LPP: variants seen among roughly 807,000 people sequenced by gnomAD.
The protein encoded by LPP is LIM domain containing preferred translocation partner in lipoma.
LPP carries 38 observed loss-of-function variants against 60.4 expected under a neutral mutation model. The ratio of observed to expected loss-of-function variants is 0.63; its 90% CI spans 0.49 to 0.83. The LOEUF (loss-of-function observed/expected upper bound fraction) is 0.83, where lower values mean the gene tolerates loss of function less well. Ranked by LOEUF, LPP falls within the 40% of genes least tolerant of loss-of-function variation. The pLI is 0.00. For synonymous variants in LPP, 328 were observed against 290.8 expected, an observed-to-expected ratio of 1.13 and a Z score of -1.30; for missense variants, 902 against 783.6, an observed-to-expected ratio of 1.15 and a Z score of -1.80.
rs766522013 is a variant in LPP at position 188,485,796 on chromosome 3, C to CAAAAAAAAAAAAAAAAA, written c.306+1094_306+1110dup. Reference sequence around the variant, plus strand: ...TGGGCGACAGAGCGAGACTCCGTCTCAAAAAAAAAAAAAAAAAATGGAATG... The same window carrying CAAAAAAAAAAAAAAAAA: ...TGGGCGACAGAGCGAGACTCCGTCTCAAAAAAAAAAAAAAAAAAAAAAAAAAAAAAAAAAATGGAATG... On this transcript the variant is annotated intron_variant, in intron 5 of 11. Coordinates refer to ENST00000617246, the MANE Select transcript of LPP (RefSeq NM_001375462.1). Among the ~76,000 whole-genome samples the CAAAAAAAAAAAAAAAAA allele has an allele frequency of 7.2e-4, 29 of 40,154 alleles. 2 individuals carry two copies. The highest frequency in any genetic ancestry group is 2.2e-3 in the African/African-American group (20 of 9,258). 26.3% of individuals were successfully genotyped at this position (40,154 alleles called of 152,430 possible).
At chr3:188,695,070 T>C (rs9846214) in intron 7 of LPP, among the ~76,000 whole-genome samples, 28,534 of 152,194 alleles carry the variant, frequency 0.19, 3,352 homozygotes, top group Middle Eastern at 0.38. Flanking sequence ...ACTCCAGCTT[T>C]CTCATTTGTA....
At chr3:188,351,777 T>C (rs1435528314) in intron 3 of LPP, among the ~76,000 whole-genome samples, 1 of 152,156 alleles carries the variant, frequency 6.6e-6, no homozygotes, top group Non-Finnish European at 1.5e-5. Context: ...GTAGCATGCA[T>C]GGCTCTTCTA....
At position 188,323,934 on chromosome 3, in the gene LPP, G is replaced by A. The variant is rs562642663; in HGVS notation, c.-66-17729G>A. Reference sequence around the variant, plus strand: ...ATATAACGTCTCTGAGCATTAGTTTGTCATTTTCTTACATAGGAATAGAGT... The same window carrying A: ...ATATAACGTCTCTGAGCATTAGTTTATCATTTTCTTACATAGGAATAGAGT... On this transcript the variant is annotated intron_variant, in intron 2 of 11. Coordinates refer to ENST00000617246, the MANE Select transcript of LPP (RefSeq NM_001375462.1). 3.3e-5 allele frequency among the ~76,000 whole-genome samples: 5 copies of A among 152,314 alleles called. No individual in the cohort carries two copies. The South Asian group carries it at 1.0e-3, about 32-fold the overall frequency.
intron 2 of LPP, among the ~76,000 whole-genome samples, chr3:188,327,691 G>A (rs2150462142): frequency 6.6e-6 from 1 of 152,254 alleles, no homozygotes; most frequent in Admixed American, 6.5e-5. Context: ...GAAAGTAGCA[G>A]CTATATAAAG....
At chr3:188,311,951 C>A (rs1445880794) in intron 2 of LPP, among the ~76,000 whole-genome samples, 4 of 152,032 alleles carry the variant, frequency 2.6e-5, no homozygotes, top group African/African-American at 7.2e-5. Flanking sequence ...TCCAACATTT[C>A]TTTAAAGAAA....
intron 4 of LPP, among the ~76,000 whole-genome samples, chr3:188,465,054 G>A (rs1215479499): frequency 6.6e-6 from 1 of 150,658 alleles, no homozygotes; most frequent in East Asian, 1.9e-4. Flanking sequence ...GGGATACCAT[G>A]ATCTTTTTAT....
At chr3:188,686,402 C>G (rs988906542) in intron 7 of LPP, among the ~76,000 whole-genome samples, 1 of 152,164 alleles carries the variant, frequency 6.6e-6, no homozygotes, top group Non-Finnish European at 1.5e-5. Flanking sequence ...TCTTGCAACT[C>G]TTACCCTATT....
At chr3:188,543,175 C>T (rs1287403906) in intron 6 of LPP, among the ~76,000 whole-genome samples, 1 of 152,050 alleles carries the variant, frequency 6.6e-6, no homozygotes, top group Non-Finnish European at 1.5e-5. Context: ...CCATGTCCTG[C>T]CTTTAATCCC....
chr3:188,813,040 T>G (rs1751508725), intron 9 of LPP, among the ~76,000 whole-genome samples: 2 of 152,162 alleles, frequency 1.3e-5, no homozygotes, highest in South Asian at 2.1e-4. Flanking sequence ...TCACTCAGTA[T>G]GAAGTTTGCT....
intron 7 of LPP, among the ~76,000 whole-genome samples, chr3:188,669,103 A>T (rs1856410345): frequency 2.0e-5 from 3 of 152,172 alleles, no homozygotes; most frequent in Non-Finnish European, 2.9e-5. Flanking sequence ...CAGAAAATTG[A>T]GAAGGGAAGT....
intron 6 of LPP, among the ~76,000 whole-genome samples, chr3:188,597,544 C>CT: frequency 6.6e-6 from 1 of 152,108 alleles, no homozygotes; most frequent in East Asian, 1.9e-4. Flanking sequence ...GTGAACCACA[C>CT]TCTCCAAATG....
intron 4 of LPP, among the ~76,000 whole-genome samples, chr3:188,415,104 G>A (rs756311956): frequency 2.6e-5 from 4 of 152,060 alleles, no homozygotes; most frequent in Non-Finnish European, 5.9e-5. Context: ...ATGCTGATTT[G>A]TGTGGTGAGA....
chr3:188,572,681 A>T lies in LPP; in HGVS notation c.430-36480A>T, dbSNP rs1306787682. ...CATTATGAGGATTAAATTGAATGAT[A>T]GGGGTGTAAGCACTTTGTAAATCCA... On this transcript the variant is annotated intron_variant, in intron 6 of 11. Transcript: ENST00000617246. This position sits in a 1 kb window ranked among gnomAD's most constrained non-coding sequence, Gnocchi z 4.1. Among the ~76,000 whole-genome samples the T allele has an allele frequency of 3.9e-5, 6 of 152,112 alleles. No homozygotes were observed. The East Asian group carries it at 1.2e-3, about 29-fold the overall frequency.
At chr3:188,459,840 G>T (rs1022618268) in intron 4 of LPP, among the ~76,000 whole-genome samples, 18 of 41,596 alleles carry the variant, frequency 4.3e-4, no homozygotes, top group Non-Finnish European at 6.9e-4. Flanking sequence ...GATTATTCAT[G>T]GGGGGGGGTT....
chr3:188,474,330 T>G (rs1802600228), intron 4 of LPP, among the ~76,000 whole-genome samples: 1 of 145,502 alleles, frequency 6.9e-6, no homozygotes, highest in Non-Finnish European at 1.6e-5. Context: ...AGCAGAATAT[T>G]GGCTGTAATA....
intron 4 of LPP, among the ~76,000 whole-genome samples, chr3:188,455,169 G>C (rs944294940): frequency 6.6e-6 from 1 of 152,054 alleles, no homozygotes; most frequent in Admixed American, 6.6e-5. Context: ...ATGGTTTCTG[G>C]ACAGTTTACA....
At chr3:188,433,589 A>G (rs1045028204) in intron 4 of LPP, among the ~76,000 whole-genome samples, 1 of 94,874 alleles carries the variant, frequency 1.1e-5, no homozygotes, top group Non-Finnish European at 2.1e-5. Context: ...AAAGAGAGAG[A>G]GACAGAAAGT....
intron 9 of LPP, among the ~76,000 whole-genome samples, chr3:188,844,426 T>C (rs1226520152): frequency 6.6e-6 from 1 of 152,268 alleles, no homozygotes; most frequent in Non-Finnish European, 1.5e-5. Flanking sequence ...TGGGAAATGC[T>C]TTCTATAAAT....
intron 7 of LPP, among the ~76,000 whole-genome samples, chr3:188,626,473 G>C (rs1224264986): frequency 6.6e-6 from 1 of 152,096 alleles, no homozygotes; most frequent in Admixed American, 6.6e-5. Flanking sequence ...AGGGACAACT[G>C]TACCACAAAC....
Sources: gnomAD v4.1 joint callset for allele counts (sites outside exome capture counted in the v4.1 genomes callset) on GRCh38, gnomAD v4.1.1 for gene constraint, Gnocchi (gnomAD v3.1) non-coding constraint, MANE v1.5 for transcripts, NCBI Gene and HGNC (gene_info 2026-07-23, HGNC 2026-07-21) for gene names.